PTDSS2: variants seen among roughly 807,000 people sequenced by gnomAD.
The protein encoded by PTDSS2 is phosphatidylserine synthase 2, also known as PSS-2.
A neutral mutation model predicts 64.7 loss-of-function variants in PTDSS2; 41 were observed. The observed-to-expected ratio is 0.63, with a 90% CI of 0.49 to 0.82. The LOEUF (loss-of-function observed/expected upper bound fraction) is 0.82. Among genes scored for constraint, PTDSS2 ranks in the 40% least tolerant of loss-of-function variants. The pLI is 0.00. For synonymous variants in PTDSS2, 297 were observed against 277.8 expected (o/e 1.07, Z -0.69); for missense variants, 485 against 650.0 (o/e 0.75, Z 2.76).
rs901316574 is a variant in PTDSS2 at position 461,933 on chromosome 11, A to G, written c.284+1645A>G. On this transcript the variant is annotated intron_variant, in intron 2 of 11. Coordinates refer to ENST00000308020, the MANE Select transcript of PTDSS2 (RefSeq NM_030783.3). The surrounding 1 kb of genome is among the most constrained non-coding windows in gnomAD (Gnocchi z 4.2). ...CGTGTGTGCCTAGAGGGAGCTTTCA[A>G]GGAGGACTTGGTCTTTCTTGAATTC... Among the ~76,000 whole-genome samples, 1 of 152,180 alleles carries G rather than the reference A, an allele frequency of 6.6e-6. No homozygotes were observed. Among genetic ancestry groups the G allele is most frequent in the Non-Finnish European group, 1.5e-5 (1 of 68,026 alleles).
intron 7 of PTDSS2, 28 bp from the exon 8 acceptor site, chr11:488,501 T>C (rs1393117241): frequency 1.9e-6 from 3 of 1,587,124 alleles, no homozygotes; most frequent in Non-Finnish European, 2.6e-6. Context: ...CCCTCACCCC[T>C]GCAACGAGTG....
rs75188178 is a variant in PTDSS2, at chr11:489,433, G to A, written c.888G>A (p.Thr296=). ...GKMKRIAFQF[T]PYSWVRFEWK... is the part of the protein sequence containing the mutation. ...TGAAGAGGATCGCCTTCCAGTTCACGCCGTACAGCTGGGTTCGCTTCGAGT... is the reference window on the plus strand; with the variant it reads ...TGAAGAGGATCGCCTTCCAGTTCACACCGTACAGCTGGGTTCGCTTCGAGT... The change falls in exon 9 of 12, where the codon ACG becomes ACA. Residue 296 remains threonine, a synonymous_variant. Coordinates refer to ENST00000308020, the MANE Select transcript of PTDSS2 (RefSeq NM_030783.3). 1.7e-4 allele frequency: 282 copies of A among 1,613,456 alleles called. 2 individuals are homozygous for A. In the African/African-American group the frequency reaches 3.2e-3, roughly 18 times the overall value.
chr11:481,928 C>T (rs1335260811), intron 4 of PTDSS2, among the ~76,000 whole-genome samples: 6 of 151,342 alleles, frequency 4.0e-5, no homozygotes, highest in Non-Finnish European at 7.4e-5. Context: ...CCGCAACCTC[C>T]GCCTCCCAGG....
intron 1 of PTDSS2, among the ~76,000 whole-genome samples, chr11:455,279 G>A (rs1159110786): frequency 6.6e-6 from 1 of 152,184 alleles, no homozygotes; most frequent in Non-Finnish European, 1.5e-5. Flanking sequence ...TTTTCTTAGA[G>A]ACATTACTGC....
Position 491,132 on chromosome 11 carries a change from G to A in PTDSS2, c.*550G>A, listed in dbSNP as rs771492556. 7 of 156,894 alleles carry A rather than the reference G, an allele frequency of 4.5e-5. No homozygotes were observed. The East Asian group carries it at 7.7e-4, about 17-fold the overall frequency. 9.7% of individuals were successfully genotyped at this position (156,894 alleles called of 1,614,324 possible). A position where few individuals can be genotyped will look rare whatever the true frequency, so the allele number is the denominator to read the frequency against. On this transcript the variant is annotated 3_prime_UTR_variant, in exon 12 of 12. Coordinates refer to ENST00000308020, the MANE Select transcript of PTDSS2 (RefSeq NM_030783.3). ...CACTTCCCCCGCAGCTCGTGTGGGC[G>A]CTCGTCCACAAACACTCCGTGGCTG...
intron 2 of PTDSS2, among the ~76,000 whole-genome samples, chr11:472,572 A>G (rs568820697): frequency 3.5e-4 from 54 of 152,298 alleles, no homozygotes; most frequent in Admixed American, 6.5e-4. Flanking sequence ...GCACCTGCCC[A>G]GAAGCAGTAG....
chr11:467,254 G>A (rs1847186347), intron 2 of PTDSS2, among the ~76,000 whole-genome samples: 1 of 152,168 alleles, frequency 6.6e-6, no homozygotes, highest in South Asian at 2.1e-4. Flanking sequence ...TTATTCAGAC[G>A]GGAGATTGCG....
intron 1 of PTDSS2, chr11:459,617 A>G (rs1165783673): frequency 6.5e-6 from 1 of 154,986 alleles, no homozygotes; most frequent in African/African-American, 2.4e-5. Flanking sequence ...ATGGGACAGG[A>G]CAAGACTGCA....
rs1417985815 is a variant in PTDSS2, at chr11:461,399, A to G, written c.284+1111A>G. ...TTTAGAATCACGCACAGCAGACCTC[A>G]TAACTGAGTCCATCTCCCTGGGGGC... On this transcript the variant is annotated intron_variant, in intron 2 of 11. Transcript: ENST00000308020. The surrounding 1 kb of genome is among the most constrained non-coding windows in gnomAD (Gnocchi z 4.2). 2.0e-5 allele frequency among the ~76,000 whole-genome samples: 3 copies of G among 152,122 alleles called. No homozygotes were observed. The highest frequency in any genetic ancestry group is 1.3e-4 in the Admixed American group (2 of 15,284).
At chr11:466,701 G>A (rs537511388) in intron 2 of PTDSS2, among the ~76,000 whole-genome samples, 20 of 152,124 alleles carry the variant, frequency 1.3e-4, no homozygotes, top group South Asian at 8.3e-4. Flanking sequence ...GAGCCACCGC[G>A]CACGGCCAAA....
intron 3 of PTDSS2, among the ~76,000 whole-genome samples, chr11:475,412 T>A (rs1327767274): frequency 6.8e-6 from 1 of 148,090 alleles, no homozygotes; most frequent in Non-Finnish European, 1.5e-5. Context: ...ACAGACATAT[T>A]CACGCATTTG....
At chr11:454,596 G>A (rs905855983) in intron 1 of PTDSS2, among the ~76,000 whole-genome samples, 1 of 152,116 alleles carries the variant, frequency 6.6e-6, no homozygotes, top group Non-Finnish European at 1.5e-5. Flanking sequence ...CACGAGGTCA[G>A]GAGTTTAAGA....
At chr11:457,240 C>T (rs1846637608) in intron 1 of PTDSS2, among the ~76,000 whole-genome samples, 1 of 152,218 alleles carries the variant, frequency 6.6e-6, no homozygotes, top group Non-Finnish European at 1.5e-5. Flanking sequence ...AGTGCAGCAC[C>T]CACGTGCAGG....
At chr11:469,648 T>C (rs1431376228) in intron 2 of PTDSS2, among the ~76,000 whole-genome samples, 1 of 152,106 alleles carries the variant, frequency 6.6e-6, no homozygotes, top group Non-Finnish European at 1.5e-5. Context: ...CAGTGGTTAA[T>C]GGATACACAC....
intron 2 of PTDSS2, among the ~76,000 whole-genome samples, chr11:467,384 TCA>T (rs1347950007): frequency 1.3e-5 from 2 of 152,152 alleles, no homozygotes; most frequent in Non-Finnish European, 2.9e-5. Context: ...CCAGGAACTC[TCA>T]CCCATTGCTG....
At position 487,076 on chromosome 11, in the gene PTDSS2, A is replaced by G; in HGVS notation, c.570+3A>G. 1 of 1,611,594 alleles carries G rather than the reference A, an allele frequency of 6.2e-7. No individual in the cohort carries two copies. The highest frequency in any genetic ancestry group is 8.5e-7 in the Non-Finnish European group (1 of 1,179,032). On this transcript the variant is annotated splice_donor_region_variant and intron_variant, in intron 5 of 11. Coordinates refer to ENST00000308020, the MANE Select transcript of PTDSS2 (RefSeq NM_030783.3). ...CTGACCCCTTTCACAACATCTGGGT[A>G]AGACGCCGGGGGCCCTGAGGCGAGC...
chr11:453,223 A>G (rs73385822), intron 1 of PTDSS2, among the ~76,000 whole-genome samples: 4,898 of 152,236 alleles, frequency 0.032, 276 homozygotes, highest in African/African-American at 0.11. Context: ...AAGGACAATT[A>G]TGGGGAACAT....
At chr11:468,842 G>A (rs972351022) in intron 2 of PTDSS2, among the ~76,000 whole-genome samples, 1 of 148,120 alleles carries the variant, frequency 6.8e-6, no homozygotes, top group Non-Finnish European at 1.5e-5. Context: ...TCGGAGGAGG[G>A]GAGTCTCTGA....
rs114225846 is a variant in PTDSS2 at position 470,150 on chromosome 11, G to A, written c.285-3745G>A. On this transcript the variant is annotated intron_variant, in intron 2 of 11. Transcript: ENST00000308020. The surrounding 1 kb of genome is among the most constrained non-coding windows in gnomAD (Gnocchi z 5.3). ...GTGACCTGACCTCCTTCCTGGGCGTGCAGCACGGAGAGGGCAGTGGGAGGA... is the reference window on the plus strand; with the variant it reads ...GTGACCTGACCTCCTTCCTGGGCGTACAGCACGGAGAGGGCAGTGGGAGGA... Among the ~76,000 whole-genome samples, 169 of 152,342 alleles carry A rather than the reference G, an allele frequency of 1.1e-3. 1 individual carries two copies. The highest frequency in any genetic ancestry group is 3.9e-3 in the African/African-American group (164 of 41,590).
Sources: gnomAD v4.1 joint callset for allele counts (sites outside exome capture counted in the v4.1 genomes callset) on GRCh38, gnomAD v4.1.1 for gene constraint, Gnocchi (gnomAD v3.1) non-coding constraint, MANE v1.5 for transcripts, NCBI Gene and HGNC (gene_info 2026-07-23, HGNC 2026-07-21) for gene names.